PCSK5: variants seen among roughly 807,000 people sequenced by gnomAD.
PCSK5 encodes the protein prohormone convertase 5.
In PCSK5, 129 loss-of-function variants were observed where a neutral mutation model predicts 233.2. The ratio of observed to expected loss-of-function variants is 0.55; its 90% CI spans 0.48 to 0.64. PCSK5 has a LOEUF of 0.64. Ranked by LOEUF, PCSK5 falls within the 30% of genes least tolerant of loss-of-function variation. The pLI, the probability that PCSK5 is intolerant of heterozygous loss-of-function variation, is 0.00. For missense variants in PCSK5, 2,076 were observed against 2,430.1 expected (o/e 0.85, Z 3.06); for synonymous variants, 825 against 879.2 (o/e 0.94, Z 1.09).
chr9:76,344,304 C>T (rs561512594), intron 35 of PCSK5, among the ~76,000 whole-genome samples: 31 of 150,386 alleles, frequency 2.1e-4, no homozygotes, highest in Middle Eastern at 6.8e-3. Context: ...AGGAGCCACC[C>T]CAGAACCCCA....
At chr9:76,198,709 A>G (rs764003469) in intron 20 of PCSK5, among the ~76,000 whole-genome samples, 18 of 152,170 alleles carry the variant, frequency 1.2e-4, no homozygotes, top group Non-Finnish European at 1.2e-4. Flanking sequence ...ATAAATAAAT[A>G]TTATTGAGTC....
chr9:76,188,581 G>A lies in PCSK5; in HGVS notation c.2286G>A (p.Leu762=). 6.2e-7 allele frequency: 1 copy of A among 1,611,308 alleles called. No homozygotes were observed. The highest frequency in any genetic ancestry group is 2.2e-5 in the East Asian group (1 of 44,832). The change falls in exon 18 of 38, where the codon CTG becomes CTA. Residue 762 remains leucine, a synonymous_variant. Coordinates refer to ENST00000674117, the MANE Select transcript of PCSK5 (RefSeq NM_001372043.1). ...GCTCCCTTTATACTTCTTCCAGCCT[G>A]CAGGGATCCCGGTGCTCTGTCTCCT... ...NCTECRDGLS[L]QGSRCSVSCE...
At chr9:76,184,544 C>A in intron 16 of PCSK5, 129 bp from the exon 17 acceptor site, 1 of 539,220 alleles carries the variant, frequency 1.9e-6, no homozygotes, top group Admixed American at 3.4e-5. Context: ...GATTCTGTGG[C>A]TTTTCCTGCA....
chr9:76,359,284 C>T lies in PCSK5; in HGVS notation c.*362C>T, dbSNP rs757145037. 6.4e-5 allele frequency: 13 copies of T among 202,692 alleles called. No individual in the cohort carries two copies. Among genetic ancestry groups the T allele is most frequent in the South Asian group, 1.1e-4 (1 of 9,222 alleles). The allele number at this position is 202,692 out of a possible 1,614,324, so 12.6% of individuals were successfully genotyped here. ...AGCAGATCTATAGAAATTCTGTTTC[C>T]GAGCTGCATTGTGGAGGTGTCTGCT... On this transcript the variant is annotated 3_prime_UTR_variant, in exon 38 of 38. Coordinates refer to ENST00000674117, the MANE Select transcript of PCSK5 (RefSeq NM_001372043.1).
chr9:76,142,709 G>T (rs1014478674), intron 10 of PCSK5, among the ~76,000 whole-genome samples: 6 of 152,144 alleles, frequency 3.9e-5, no homozygotes, highest in Non-Finnish European at 7.4e-5. Context: ...AGATGTAGAT[G>T]TATATAGAGC....
At chr9:76,031,628 G>T (rs1248067102) in intron 5 of PCSK5, among the ~76,000 whole-genome samples, 1 of 152,146 alleles carries the variant, frequency 6.6e-6, no homozygotes, top group Non-Finnish European at 1.5e-5. Context: ...GGTCAAGGTT[G>T]CAGTGAGCCA....
chr9:76,300,855 A>C (rs1828577044), intron 27 of PCSK5, among the ~76,000 whole-genome samples: 1 of 152,198 alleles, frequency 6.6e-6, no homozygotes, highest in African/African-American at 2.4e-5. Flanking sequence ...ATGTATATAA[A>C]GCTCTCAGGA....
At chr9:76,006,605 AT>A (rs1350426511) in intron 3 of PCSK5, among the ~76,000 whole-genome samples, 2 of 151,784 alleles carry the variant, frequency 1.3e-5, no homozygotes, top group Non-Finnish European at 2.9e-5. Context: ...CATTATTTCT[AT>A]TTTTCAGAAC....
At chr9:76,103,972 T>C (rs1564028202) in intron 8 of PCSK5, among the ~76,000 whole-genome samples, 1 of 152,180 alleles carries the variant, frequency 6.6e-6, no homozygotes, top group East Asian at 1.9e-4. Flanking sequence ...ATCTCTGTGT[T>C]CCCCACCCTA....
At chr9:76,192,577 A>ACAT in intron 20 of PCSK5, among the ~76,000 whole-genome samples, 1 of 152,060 alleles carries the variant, frequency 6.6e-6, no homozygotes, top group Non-Finnish European at 1.5e-5. Flanking sequence ...TGTTCAACCG[A>ACAT]GTTAGGCACA....
chr9:75,999,581 C>G (rs1372613703), intron 3 of PCSK5, among the ~76,000 whole-genome samples: 1 of 152,252 alleles, frequency 6.6e-6, no homozygotes, highest in African/African-American at 2.4e-5. Context: ...ACAGATCACT[C>G]ATGCCATTGT....
chr9:76,230,514 C>T (rs944053502), intron 21 of PCSK5, among the ~76,000 whole-genome samples: 1 of 152,210 alleles, frequency 6.6e-6, no homozygotes, highest in African/African-American at 2.4e-5. Context: ...AATCTGTCAT[C>T]TCATCTTGGA....
intron 20 of PCSK5, among the ~76,000 whole-genome samples, chr9:76,214,698 T>C (rs772286375): frequency 4.6e-5 from 7 of 152,204 alleles, no homozygotes; most frequent in Non-Finnish European, 8.8e-5. Flanking sequence ...TCCTAGCATA[T>C]GGTAATCATG....
Position 76,302,188 on chromosome 9 carries a change from G to A in PCSK5, c.3575G>A (p.Arg1192Gln), listed in dbSNP as rs1482567545. 47 of 1,355,036 alleles carry A rather than the reference G, an allele frequency of 3.5e-5. No homozygotes were observed. Among genetic ancestry groups the A allele is most frequent in the Non-Finnish European group, 4.1e-5 (42 of 1,016,824 alleles). 83.9% of individuals were successfully genotyped at this position (1,355,036 alleles called of 1,614,324 possible). A position where few individuals can be genotyped will look rare whatever the true frequency, so the allele number is the denominator to read the frequency against. ...LSVVKSLLQE[R>Q]RRWKVQIKRD... is the part of the protein sequence containing the mutation. The stretch of plus-strand genomic sequence containing the variant: ...GTGGTGAAGAGCCTGCTGCAGGAGC[G>A]ACGAAGGTGGAAAGTTCAAATCAAA... Residue 1192 changes from arginine to glutamine, a missense_variant, in exon 28 of 38, where the codon CGA becomes CAA. Arg to Gln is a conservative substitution (Grantham distance 43). Coordinates refer to ENST00000674117, the MANE Select transcript of PCSK5 (RefSeq NM_001372043.1).
intron 35 of PCSK5, among the ~76,000 whole-genome samples, chr9:76,344,224 C>A (rs999542318): frequency 6.6e-6 from 1 of 152,170 alleles, no homozygotes; most frequent in Non-Finnish European, 1.5e-5. Flanking sequence ...GGCCACCTTC[C>A]TCAGATAAAA....
chr9:76,352,014 G>C (rs1830180574), intron 36 of PCSK5, among the ~76,000 whole-genome samples: 1 of 152,160 alleles, frequency 6.6e-6, no homozygotes, highest in Non-Finnish European at 1.5e-5. Context: ...AGGGTTCTTG[G>C]ATCTCACACA....
At position 76,354,113 on chromosome 9, in the gene PCSK5, C is replaced by A; in HGVS notation, c.5148C>A (p.Cys1716Ter). 1.2e-6 allele frequency: 2 copies of A among 1,604,578 alleles called. No homozygotes were observed. The highest frequency in any genetic ancestry group is 1.7e-6 in the Non-Finnish European group (2 of 1,176,208). ...KGPGAKNCTL[C>*]PANLVLHMDD... Reference sequence around the variant, plus strand: ...CAGGGGCCAAGAACTGCACCTTGTGCCCTGCCAACCTGGTGCTGCACATGG... The same window carrying A: ...CAGGGGCCAAGAACTGCACCTTGTGACCTGCCAACCTGGTGCTGCACATGG... The change falls in exon 37 of 38, where the codon TGC becomes TGA. Residue 1716 changes from cysteine (C) to a stop codon, truncating the protein, a stop_gained. Coordinates refer to ENST00000674117, the MANE Select transcript of PCSK5 (RefSeq NM_001372043.1). LOFTEE classifies it high-confidence loss of function.
intron 1 of PCSK5, among the ~76,000 whole-genome samples, chr9:75,898,193 C>T (rs7849354): frequency 0.58 from 88,424 of 152,060 alleles, 27,666 homozygotes; most frequent in African/African-American, 0.8. Context: ...TTGATCCAGA[C>T]AGAGGTGTAT....
chr9:75,938,010 T>C (rs1362927177), intron 2 of PCSK5, among the ~76,000 whole-genome samples: 1 of 152,228 alleles, frequency 6.6e-6, no homozygotes, highest in Non-Finnish European at 1.5e-5. Context: ...GCAATAAGGC[T>C]GTTTCTCTTT....
Sources: allele counts gnomAD v4.1 joint callset (sites outside exome capture counted in the v4.1 genomes callset), GRCh38; gene constraint gnomAD v4.1.1; transcripts MANE v1.5; gene names NCBI Gene and HGNC (gene_info 2026-07-23, HGNC 2026-07-21).